The following GRAP2 variants were observed in gnomAD, a reference collection of about 807,000 sequenced individuals.
GRAP2 encodes GRB2 related adaptor protein 2.
A neutral mutation model predicts 43.5 loss-of-function variants in GRAP2; 31 were observed. That is an observed-to-expected ratio of 0.71 (90% CI 0.54 to 0.96). The LOEUF (loss-of-function observed/expected upper bound fraction) is 0.96. GRAP2 is among the 40% of genes least tolerant of loss of function. The probability of loss-of-function intolerance (pLI) is 0.00; values close to 1 mark genes in which losing one functional copy is unlikely to be tolerated. For missense variants in GRAP2, 371 were observed against 424.4 expected, an observed-to-expected ratio of 0.87 and a Z score of 1.11; for synonymous variants, 156 against 164.8, an observed-to-expected ratio of 0.95 and a Z score of 0.41.
chr22:39,960,402 A>G (rs1447385682), intron 4 of GRAP2: 7 of 479,618 alleles, frequency 1.5e-5, no homozygotes, highest in Admixed American at 6.5e-5. Flanking sequence ...TTCTACGCCC[A>G]TCTGCCTCCC....
chr22:39,894,325 C>G, the GRAP2 span, among the ~76,000 whole-genome samples: 161 of 146,734 alleles, frequency 1.1e-3, no homozygotes, highest in African/African-American at 4.0e-3. Flanking sequence ...GAACAAAAAA[C>G]CAAACACCGC....
In GRAP2 at chr22:39,970,953, G is replaced by A. The variant is rs267606254; in HGVS notation, c.862G>A (p.Asp288Asn). 1 of 1,613,498 alleles carries A rather than the reference G, an allele frequency of 6.2e-7. No individual in the cohort carries two copies. The highest frequency in any genetic ancestry group is 1.1e-5 in the South Asian group (1 of 90,992). The change falls in exon 8 of 8, where the codon GAC (aspartate) becomes AAC (asparagine). Residue 288 changes from aspartate to asparagine, a missense_variant. Coordinates refer to ENST00000344138, the MANE Select transcript of GRAP2 (RefSeq NM_004810.4). The part of the protein sequence containing the change: ...ALYDFEALED[D>N]ELGFHSGEVV... ...GTATGACTTTGAGGCCCTGGAGGAT[G>A]ACGAGCTGGGGTTCCACAGCGGGGA...
At chr22:39,959,320 A>C (rs1261426251) in intron 3 of GRAP2, among the ~76,000 whole-genome samples, 2 of 152,122 alleles carry the variant, frequency 1.3e-5, no homozygotes, top group African/African-American at 4.8e-5. Context: ...TAAAAGAGTA[A>C]TTTCTCCTGT....
At chr22:39,940,645 G>A (rs2066858967) in intron 1 of GRAP2, among the ~76,000 whole-genome samples, 1 of 151,934 alleles carries the variant, frequency 6.6e-6, no homozygotes, top group Non-Finnish European at 1.5e-5. Context: ...ACACAGTAGG[G>A]GTTTCAATAC....
intron 1 of GRAP2, among the ~76,000 whole-genome samples, chr22:39,904,755 C>A (rs931806109): frequency 6.6e-6 from 1 of 152,134 alleles, no homozygotes; most frequent in Non-Finnish European, 1.5e-5. Context: ...AAAAAAGAAT[C>A]TAATTTTTAA....
At chr22:39,894,320 A>G in the GRAP2 span, among the ~76,000 whole-genome samples, 1 of 151,160 alleles carries the variant, frequency 6.6e-6, no homozygotes, top group African/African-American at 2.4e-5. Flanking sequence ...CGCAAGAACA[A>G]AAAACCAAAC....
chr22:39,960,197 C>T, intron 4 of GRAP2, 23 bp downstream of exon 4: 1 of 1,608,894 alleles, frequency 6.2e-7, no homozygotes, highest in Non-Finnish European at 8.5e-7. Context: ...CCTGACACTG[C>T]CTTGGCCCTT....
At chr22:39,931,619 C>T (rs1297523012) in intron 1 of GRAP2, among the ~76,000 whole-genome samples, 1 of 152,140 alleles carries the variant, frequency 6.6e-6, no homozygotes, top group East Asian at 1.9e-4. Flanking sequence ...AAATTTTTTG[C>T]TGTGGTGCAG....
chr22:39,968,430 T>G, intron 6 of GRAP2, 158 bp downstream of exon 6: 1 of 689,388 alleles, frequency 1.5e-6, no homozygotes, highest in Non-Finnish European at 2.4e-6. Context: ...GGCAAAGACA[T>G]CTCTATGAAT....
chr22:39,941,804 G>T (rs1459208127), intron 1 of GRAP2, among the ~76,000 whole-genome samples: 1 of 151,902 alleles, frequency 6.6e-6, no homozygotes, highest in East Asian at 1.9e-4. Flanking sequence ...CACAGAAAAG[G>T]TCTGACAATT....
At chr22:39,959,563 A>G (rs73412403) in intron 3 of GRAP2, among the ~76,000 whole-genome samples, 4,850 of 151,934 alleles carry the variant, frequency 0.032, 263 homozygotes, top group African/African-American at 0.11. Context: ...TTCCTTTAAT[A>G]CCCAGGGAGG....
intron 1 of GRAP2, among the ~76,000 whole-genome samples, chr22:39,943,398 C>G (rs1235203754): frequency 6.6e-6 from 1 of 151,588 alleles, no homozygotes; most frequent in Non-Finnish European, 1.5e-5. Flanking sequence ...GTGGCATTAC[C>G]CTCTGGTGAA....
intron 1 of GRAP2, among the ~76,000 whole-genome samples, chr22:39,910,874 G>A (rs1439944160): frequency 6.6e-6 from 1 of 152,110 alleles, no homozygotes; most frequent in Non-Finnish European, 1.5e-5. Flanking sequence ...CTGCAGGTGA[G>A]TACTTACCTG....
Position 39,936,953 on chromosome 22 carries a change from G to A in GRAP2, c.-14-10140G>A, listed in dbSNP as rs1246077886. Among the ~76,000 whole-genome samples, 11 of 152,198 alleles carry A rather than the reference G, an allele frequency of 7.2e-5. 1 individual carries two copies. The highest frequency in any genetic ancestry group is 4.1e-4 in the South Asian group (2 of 4,822). On this transcript the variant is annotated intron_variant, in intron 1 of 7. Transcript: ENST00000344138. ...GACAGCCACCCAGGAAGGTTGAGAG[G>A]GCCTAAGCTAGTGAGCAGTCATCCT...
intron 1 of GRAP2, among the ~76,000 whole-genome samples, chr22:39,936,739 A>C (rs1326300298): frequency 6.6e-6 from 1 of 152,138 alleles, no homozygotes; most frequent in African/African-American, 2.4e-5. Context: ...GGCAGAAGAA[A>C]AGGAAAAGAG....
At chr22:39,946,008 G>C (rs56008460) in intron 1 of GRAP2, among the ~76,000 whole-genome samples, 1 of 152,096 alleles carries the variant, frequency 6.6e-6, no homozygotes, top group Non-Finnish European at 1.5e-5. Context: ...TTACAGGCAC[G>C]TGCCACGGCA....
chr22:39,952,331 C>T (rs545379059), intron 2 of GRAP2, among the ~76,000 whole-genome samples: 17 of 152,140 alleles, frequency 1.1e-4, no homozygotes, highest in Non-Finnish European at 2.4e-4. Context: ...CCGGCCTCAA[C>T]GTGTGGTTCT....
chr22:39,965,820 A>T lies in GRAP2; in HGVS notation c.291-170A>T, dbSNP rs187242644. ...TGTATCCTAAGTGGTCCATCCTACA[A>T]AGTTCCTGCCGAAGCCTGACTGGGC... is the stretch of plus-strand genomic sequence containing the variant. On this transcript the variant is annotated intron_variant, in intron 4 of 7. Coordinates refer to ENST00000344138, the MANE Select transcript of GRAP2 (RefSeq NM_004810.4). 4.1e-3 allele frequency among the ~76,000 whole-genome samples: 625 copies of T among 152,316 alleles called. 10 individuals are homozygous for T. The highest frequency in any genetic ancestry group is 0.014 in the African/African-American group (594 of 41,574).
chr22:39,966,145 C>T lies in GRAP2; in HGVS notation c.446C>T (p.Thr149Ile), dbSNP rs139269286. The T allele has an allele frequency of 4.3e-6, 7 of 1,613,824 alleles. No individual in the cohort carries two copies. The highest frequency in any genetic ancestry group is 3.3e-5 in the South Asian group (3 of 91,074). ...AAGCAGATCTTCCTTAGAGACAGAA[C>T]CCGAGAAGACCAGGTATGCTCCAGA... is the stretch of plus-strand genomic sequence containing the variant. ...RQKQIFLRDR[T>I]REDQGHRGNS... The change falls in exon 5 of 8, where the codon ACC becomes ATC. Residue 149 changes from threonine to isoleucine, a missense_variant. Thr to Ile is a moderately conservative substitution (Grantham distance 89, BLOSUM62 -1). Coordinates refer to ENST00000344138, the MANE Select transcript of GRAP2 (RefSeq NM_004810.4).
Sources: allele counts gnomAD v4.1 joint callset (sites outside exome capture counted in the v4.1 genomes callset), GRCh38; gene constraint gnomAD v4.1.1; transcripts MANE v1.5; gene names NCBI Gene and HGNC (gene_info 2026-07-23, HGNC 2026-07-21).